The following C1QTNF1 variants were observed in gnomAD, a reference collection of about 807,000 sequenced individuals.
C1QTNF1 encodes C1q and TNF related 1.
A neutral mutation model predicts 27.8 loss-of-function variants in C1QTNF1; 22 were observed. That is an observed-to-expected ratio of 0.79 (90% CI 0.56 to 1.13). C1QTNF1 has a LOEUF of 1.13. Among genes scored for constraint, C1QTNF1 ranks in the 50% most tolerant of loss-of-function variants. The pLI is 0.00. For missense variants in C1QTNF1, 373 were observed against 380.2 expected, an observed-to-expected ratio of 0.98 and a Z score of 0.16; for synonymous variants, 166 against 154.3, an observed-to-expected ratio of 1.08 and a Z score of -0.56.
chr17:79,026,511 G>C (rs1044983285), intron 1 of C1QTNF1, among the ~76,000 whole-genome samples: 3 of 152,304 alleles, frequency 2.0e-5, no homozygotes, highest in Middle Eastern at 3.4e-3. Context: ...CACTCAGCTC[G>C]CCAAGCTGAT....
At chr17:79,033,858 C>T (rs1024901744) in intron 1 of C1QTNF1, among the ~76,000 whole-genome samples, 9 of 152,036 alleles carry the variant, frequency 5.9e-5, no homozygotes, top group Non-Finnish European at 1.0e-4. Flanking sequence ...AGAGGGCAGT[C>T]GACATTGGCA....
intron 1 of C1QTNF1, among the ~76,000 whole-genome samples, chr17:79,030,772 G>A (rs1444422657): frequency 6.6e-6 from 1 of 151,570 alleles, no homozygotes; most frequent in African/African-American, 2.4e-5. Context: ...GCTAATTTTT[G>A]TACTTTTTAG....
At position 79,046,447 on chromosome 17, in the gene C1QTNF1, G is replaced by C. The variant is rs1459460336; in HGVS notation, c.156-108G>C. 2.1e-6 allele frequency: 3 copies of C among 1,463,004 alleles called. No individual in the cohort carries two copies. Among genetic ancestry groups the C allele is most frequent in the Non-Finnish European group, 1.9e-6 (2 of 1,061,510 alleles). The allele number at this position is 1,463,004 out of a possible 1,614,324, so 90.6% of individuals were successfully genotyped here. A position where few individuals can be genotyped will look rare whatever the true frequency, so the allele number is the denominator to read the frequency against. ...CACAGAGCCTTGTGGGTCCAGGTGA[G>C]AGAGTGAGAAGGCAGGTCAGGCATG... is the stretch of plus-strand genomic sequence containing the variant. On this transcript the variant is annotated intron_variant, in intron 2 of 3. Coordinates refer to ENST00000579760, the MANE Select transcript of C1QTNF1 (RefSeq NM_030968.5). This position sits in a 1 kb window ranked among gnomAD's most constrained non-coding sequence, Gnocchi z 4.8.
chr17:79,040,306 A>G (rs1302373801), intron 1 of C1QTNF1, among the ~76,000 whole-genome samples: 1 of 152,210 alleles, frequency 6.6e-6, no homozygotes, highest in African/African-American at 2.4e-5. Flanking sequence ...CGAAAAAACA[A>G]CAAAAAAATT....
chr17:79,041,764 C>T (rs1479211732), intron 1 of C1QTNF1: 1 of 139,666 alleles, frequency 7.2e-6, no homozygotes, highest in Non-Finnish European at 1.5e-5. Context: ...GAGCAAGACT[C>T]CATCTCAAAA....
chr17:79,032,205 A>T (rs931390069), intron 1 of C1QTNF1, among the ~76,000 whole-genome samples: 1 of 152,178 alleles, frequency 6.6e-6, no homozygotes, highest in African/African-American at 2.4e-5. Flanking sequence ...CAGCACACCC[A>T]GGTCTGGGCA....
At position 79,035,737 on chromosome 17, in the gene C1QTNF1, C is replaced by A. The variant is rs75878816; in HGVS notation, c.-14-8218C>A. 9.8e-3 allele frequency among the ~76,000 whole-genome samples: 1,496 copies of A among 152,204 alleles called. 46 individuals carry two copies. The East Asian group carries it at 0.12, about 12-fold the overall frequency. ...TGAGCCACCATACCTGGCCTGAATCCAATTCTTGAACTGGACACCACTAGA... is the reference window on the plus strand; with the variant it reads ...TGAGCCACCATACCTGGCCTGAATCAAATTCTTGAACTGGACACCACTAGA... On this transcript the variant is annotated intron_variant, in intron 1 of 3. Coordinates refer to ENST00000579760, the MANE Select transcript of C1QTNF1 (RefSeq NM_030968.5).
At chr17:79,028,388 C>T (rs1463486185) in intron 1 of C1QTNF1, among the ~76,000 whole-genome samples, 5 of 152,252 alleles carry the variant, frequency 3.3e-5, no homozygotes, top group East Asian at 3.9e-4. Context: ...TGGGTGGGTT[C>T]GAGGCAGATG....
intron 1 of C1QTNF1, among the ~76,000 whole-genome samples, chr17:79,028,313 A>G (rs1599278310): frequency 1.3e-5 from 2 of 152,156 alleles, no homozygotes; most frequent in Non-Finnish European, 2.9e-5. Context: ...CCTCAGCAAG[A>G]CATCTGGATA....
Position 79,048,758 on chromosome 17 carries a change from C to A in C1QTNF1, c.*670C>A, listed in dbSNP as rs2072672679. On this transcript the variant is annotated 3_prime_UTR_variant, in exon 4 of 4. Transcript: ENST00000579760. ...AGGTGATGGGGGCTGGGGCCCCAGGCGTCAGCCTCCCAGAGGGACAGCTGA... is the reference window on the plus strand; with the variant it reads ...AGGTGATGGGGGCTGGGGCCCCAGGAGTCAGCCTCCCAGAGGGACAGCTGA... 1 of 152,214 alleles carries A rather than the reference C, an allele frequency of 6.6e-6. No individual in the cohort carries two copies. The highest frequency in any genetic ancestry group is 1.5e-5 in the Non-Finnish European group (1 of 68,034). 9.4% of individuals were successfully genotyped at this position (152,214 alleles called of 1,614,324 possible). A position where few individuals can be genotyped will look rare whatever the true frequency, so the allele number is the denominator to read the frequency against.
chr17:79,030,458 CT>C (rs1420820810), intron 1 of C1QTNF1, among the ~76,000 whole-genome samples: 31 of 140,462 alleles, frequency 2.2e-4, no homozygotes, highest in African/African-American at 6.2e-4. Context: ...TTCTTTCTTT[CT>C]TTTCTTTCTT....
In C1QTNF1 at chr17:79,049,517, G is replaced by C. The variant is rs942697414; in HGVS notation, c.*1429G>C. ...CACCTCACCCCATGTTGATGCCCAG[G>C]GTCACTCTTGCTACCCGCTGGGCCC... On this transcript the variant is annotated 3_prime_UTR_variant, in exon 4 of 4. Coordinates refer to ENST00000579760, the MANE Select transcript of C1QTNF1 (RefSeq NM_030968.5). This position sits in a 1 kb window ranked among gnomAD's most constrained non-coding sequence, Gnocchi z 4.4. The C allele has an allele frequency of 2.0e-5, 3 of 152,346 alleles. No homozygotes were observed. The highest frequency in any genetic ancestry group is 6.5e-5 in the Admixed American group (1 of 15,276). 9.4% of individuals were successfully genotyped at this position (152,346 alleles called of 1,614,324 possible).
At chr17:79,030,467 CTTTCTTTCTTTCTTTCTT>C (rs1329741029) in intron 1 of C1QTNF1, among the ~76,000 whole-genome samples, 4,146 of 117,824 alleles carry the variant, frequency 0.035, 120 homozygotes, top group African/African-American at 0.1. Flanking sequence ...TCTTTTCTTT[CTTTCTTTCTTTCTTTCTT>C]TTTCTTTCTT....
chr17:79,044,250 G>A (rs866332291), intron 2 of C1QTNF1, 127 bp downstream of exon 2: 7 of 1,127,864 alleles, frequency 6.2e-6, no homozygotes, highest in African/African-American at 4.7e-5. Context: ...GCTGAGCCGT[G>A]GCCCTGCTGG....
At chr17:79,047,232 T>C (rs1283436805) in intron 3 of C1QTNF1, 1 of 352,510 alleles carries the variant, frequency 2.8e-6, no homozygotes, top group Non-Finnish European at 5.0e-6. Flanking sequence ...TTCTTTTTTT[T>C]CTTTTCTTTT....
At chr17:79,044,946 C>T (rs2072528666) in intron 2 of C1QTNF1, among the ~76,000 whole-genome samples, 1 of 152,216 alleles carries the variant, frequency 6.6e-6, no homozygotes, top group African/African-American at 2.4e-5. Context: ...TTGAGCCCCT[C>T]CTATCAGTCA....
chr17:79,046,613 C>G lies in C1QTNF1; in HGVS notation c.214C>G (p.Arg72Gly). The G allele has an allele frequency of 6.2e-7, 1 of 1,614,232 alleles. No homozygotes were observed. Among genetic ancestry groups the G allele is most frequent in the Non-Finnish European group, 8.5e-7 (1 of 1,180,036 alleles). The change falls in exon 3 of 4, where the codon CGG becomes GGG. Residue 72 changes from arginine (R) to glycine (G), a missense_variant. Physicochemically the swap from Arg to Gly is moderately radical, Grantham distance 125. Coordinates refer to ENST00000579760, the MANE Select transcript of C1QTNF1 (RefSeq NM_030968.5). The surrounding 1 kb of genome is among the most constrained non-coding windows in gnomAD (Gnocchi z 4.8). Reference sequence around the variant, plus strand: ...TCAGGACCAGGGGCTCCCTGCTTCCCGGTGCTTGCGCTGCTGTGACCCCGG... The same window carrying G: ...TCAGGACCAGGGGCTCCCTGCTTCCGGGTGCTTGCGCTGCTGTGACCCCGG... Reference protein sequence around the residue: ...PSQDQGLPASRCLRCCDPGTS... With the variant: ...PSQDQGLPASGCLRCCDPGTS...
intron 2 of C1QTNF1, 75 bp downstream of exon 2, chr17:79,044,198 G>A (rs2072506583): frequency 2.1e-6 from 3 of 1,440,808 alleles, no homozygotes; most frequent in East Asian, 2.5e-5. Flanking sequence ...GGGCCCCTGG[G>A]GGAGCTAGTT....
At chr17:79,023,704 G>GCGCGCACACACACACACACA (rs1267428917), upstream of C1QTNF1, among the ~76,000 whole-genome samples, 31 of 145,030 alleles carry the variant, frequency 2.1e-4, no homozygotes, top group East Asian at 4.6e-3. Flanking sequence ...GCGCGCGCGC[G>GCGCGCACACACACACACACA]CACACACACA....
Sources: gnomAD v4.1 joint callset for allele counts (sites outside exome capture counted in the v4.1 genomes callset) on GRCh38, gnomAD v4.1.1 for gene constraint, Gnocchi (gnomAD v3.1) non-coding constraint, MANE v1.5 for transcripts, NCBI Gene and HGNC (gene_info 2026-07-23, HGNC 2026-07-21) for gene names.